PHF24: variants seen among roughly 807,000 people sequenced by gnomAD.
PHF24 encodes the protein PHD finger protein 24.
A neutral mutation model predicts 42.6 loss-of-function variants in PHF24; 25 were observed. The ratio of observed to expected loss-of-function variants is 0.59; its 90% CI spans 0.43 to 0.82. The LOEUF (loss-of-function observed/expected upper bound fraction) is 0.82. Among genes scored for constraint, PHF24 ranks in the 40% least tolerant of loss-of-function variants. PHF24 has a pLI of 0.00. For synonymous variants in PHF24, 185 were observed against 204.8 expected (o/e 0.90, Z 0.83); for missense variants, 470 against 538.1 (o/e 0.87, Z 1.25).
chr9:34,957,174 T>C (rs1826393966), upstream of PHF24, among the ~76,000 whole-genome samples: 1 of 152,258 alleles, frequency 6.6e-6, no homozygotes, highest in African/African-American at 2.4e-5. Flanking sequence ...TTATATCCTC[T>C]ATTGGTAAAT....
upstream of PHF24, among the ~76,000 whole-genome samples, chr9:34,954,508 C>A (rs1826326512): frequency 1.3e-5 from 2 of 152,096 alleles, no homozygotes; most frequent in Non-Finnish European, 2.9e-5. Flanking sequence ...GTATTGCAAG[C>A]AAAAAGGTTG....
At position 34,976,549 on chromosome 9, in the gene PHF24, C is replaced by G. The variant is rs369847876; in HGVS notation, c.658C>G (p.Leu220Val). Residue 220 changes from leucine (L) to valine (V), a missense_variant, in exon 5 of 8, where the codon CTG (leucine) becomes GTG (valine). Coordinates refer to ENST00000242315, the Ensembl canonical transcript of PHF24. ...GCCTCCCACAGATTGCTCCCTGACA[C>G]TGGAGGACTTTCTGCGTTACCGCCA... 4 of 1,613,070 alleles carry G rather than the reference C, an allele frequency of 2.5e-6. No homozygotes were observed. In the African/African-American group the frequency reaches 5.3e-5, roughly 22 times the overall value.
At chr9:34,878,666 G>T in the PHF24 span, among the ~76,000 whole-genome samples, 1 of 152,232 alleles carries the variant, frequency 6.6e-6, no homozygotes, top group African/African-American at 2.4e-5. Context: ...AAGGCTGGGG[G>T]AGGGGCGTCC....
At chr9:34,709,779 G>C in the PHF24 span, 17 of 1,614,090 alleles carry the variant, frequency 1.1e-5, no homozygotes, top group Non-Finnish European at 1.4e-5. Flanking sequence ...CCACTCACAG[G>C]ATAGCTGGGA....
the PHF24 span, among the ~76,000 whole-genome samples, chr9:34,739,529 G>C: frequency 6.6e-6 from 1 of 152,188 alleles, no homozygotes; most frequent in South Asian, 2.1e-4. Flanking sequence ...AAGCCGTGGA[G>C]GCTCACGGTG....
rs1297001345 is a variant in PHF24, at chr9:34,958,743, G to C, written c.-5+342G>C. ...GGCACAAGGGTGGTCTCTGGAGCTG[G>C]CTCAATGGAAGACCACCTGGGAACA... On this transcript the variant is annotated intron_variant, in intron 1 of 7. Coordinates refer to ENST00000242315, the Ensembl canonical transcript of PHF24. This position sits in a 1 kb window ranked among gnomAD's most constrained non-coding sequence, Gnocchi z 4.5. Among the ~76,000 whole-genome samples, 3 of 152,158 alleles carry C rather than the reference G, an allele frequency of 2.0e-5. No homozygotes were observed. Among genetic ancestry groups the C allele is most frequent in the Admixed American group, 1.3e-4 (2 of 15,284 alleles).
chr9:34,889,659 G>A, the PHF24 span: 1 of 398,530 alleles, frequency 2.5e-6, no homozygotes, highest in Non-Finnish European at 4.4e-6. Context: ...GCTCTTGTGA[G>A]TATGGACTGC....
At chr9:34,748,070 T>C in the PHF24 span, among the ~76,000 whole-genome samples, 2 of 152,092 alleles carry the variant, frequency 1.3e-5, no homozygotes, top group African/African-American at 4.8e-5. Context: ...AAAATAAGGA[T>C]GTTAAAAGGA....
At chr9:34,666,836 C>T in the PHF24 span, among the ~76,000 whole-genome samples, 1 of 152,150 alleles carries the variant, frequency 6.6e-6, no homozygotes, top group African/African-American at 2.4e-5. Flanking sequence ...ATCCCAGCTA[C>T]TCGGGAGGCT....
chr9:34,785,110 C>T, the PHF24 span, among the ~76,000 whole-genome samples: 11 of 152,296 alleles, frequency 7.2e-5, no homozygotes, highest in East Asian at 2.1e-3. Flanking sequence ...GTTCTGAAGG[C>T]TGGGAGATCT....
chr9:34,875,934 A>ACTCTCTCCCTCT, the PHF24 span, among the ~76,000 whole-genome samples: 1 of 78,158 alleles, frequency 1.3e-5, no homozygotes, highest in Non-Finnish European at 2.6e-5. Context: ...ACACACACAC[A>ACTCTCTCCCTCT]CACACACACA....
At chr9:34,681,823 GAA>G in the PHF24 span, among the ~76,000 whole-genome samples, 43 of 152,216 alleles carry the variant, frequency 2.8e-4, no homozygotes, top group African/African-American at 8.9e-4. Flanking sequence ...AAAAGAAGAA[GAA>G]GAAAAAAAAA....
At chr9:34,826,178 C>T in the PHF24 span, among the ~76,000 whole-genome samples, 5 of 152,216 alleles carry the variant, frequency 3.3e-5, no homozygotes, top group Non-Finnish European at 7.3e-5. Context: ...CCTGGCCTCA[C>T]TGTCTCCGGG....
the PHF24 span, among the ~76,000 whole-genome samples, chr9:34,868,381 G>A: frequency 6.6e-6 from 1 of 152,144 alleles, no homozygotes; most frequent in Non-Finnish European, 1.5e-5. Context: ...ATCTCGATTC[G>A]TTTTCCTCTG....
At chr9:34,888,446 C>T in the PHF24 span, among the ~76,000 whole-genome samples, 1 of 152,180 alleles carries the variant, frequency 6.6e-6, no homozygotes, top group Non-Finnish European at 1.5e-5. Flanking sequence ...GGGATCTCTT[C>T]ATCAACTAGT....
the PHF24 span, among the ~76,000 whole-genome samples, chr9:34,824,848 G>A: frequency 1.3e-5 from 2 of 152,104 alleles, no homozygotes; most frequent in Admixed American, 6.5e-5. Context: ...GGGAGAGGGC[G>A]GATCAGTTTT....
the PHF24 span, among the ~76,000 whole-genome samples, chr9:34,948,572 G>A: frequency 3.3e-5 from 5 of 152,180 alleles, no homozygotes; most frequent in African/African-American, 1.2e-4. Context: ...AATGCCTGCA[G>A]TATTCAGTAC....
the PHF24 span, among the ~76,000 whole-genome samples, chr9:34,912,126 G>T: frequency 1.3e-5 from 2 of 152,142 alleles, no homozygotes; most frequent in Non-Finnish European, 2.9e-5. Context: ...TGGTCATACG[G>T]CTGAGCTGTC....
At chr9:34,816,726 G>A in the PHF24 span, among the ~76,000 whole-genome samples, 13 of 152,280 alleles carry the variant, frequency 8.5e-5, no homozygotes, top group African/African-American at 3.1e-4. Context: ...TCAATATAAT[G>A]GATTTTGGAG....
Sources: gnomAD v4.1 joint callset for allele counts (sites outside exome capture counted in the v4.1 genomes callset) on GRCh38, gnomAD v4.1.1 for gene constraint, Gnocchi (gnomAD v3.1) non-coding constraint, MANE v1.5 for transcripts, NCBI Gene and HGNC (gene_info 2026-07-23, HGNC 2026-07-21) for gene names.